The following COL11A2 variants were observed in gnomAD, a reference collection of about 807,000 sequenced individuals.
COL11A2 encodes the protein collagen type XI alpha 2 chain, also known as collagen alpha-2(XI) chain.
COL11A2 carries 116 observed loss-of-function variants against 273.4 expected under a neutral mutation model. The observed-to-expected ratio is 0.42, with a 90% CI of 0.36 to 0.49. The LOEUF (loss-of-function observed/expected upper bound fraction) is 0.49. COL11A2 is among the 20% of genes least tolerant of loss of function. The pLI is 0.00. For missense variants in COL11A2, 1,866 were observed against 2,309.0 expected (o/e 0.81, Z 3.93); for synonymous variants, 782 against 864.2 (o/e 0.90, Z 1.67).
rs1479086398 is a variant in COL11A2 at position 33,169,743 on chromosome 6, C to G, written c.3690+88G>C. On this transcript the variant is annotated intron_variant, in intron 50 of 65. Transcript: ENST00000341947. The surrounding 1 kb of genome is among the most constrained non-coding windows in gnomAD (Gnocchi z 5.5). ...CAGAGACTCTTGCTGCAGAGGAGTT[C>G]CAGCTCAAGGAGGTCACAGGAAAAG... 16 of 1,519,812 alleles carry G rather than the reference C, an allele frequency of 1.1e-5. No individual in the cohort carries two copies. In the East Asian group the frequency reaches 3.4e-4, roughly 32 times the overall value. 94.1% of individuals were successfully genotyped at this position (1,519,812 alleles called of 1,614,324 possible). A position where few individuals can be genotyped will look rare whatever the true frequency, so the allele number is the denominator to read the frequency against.
intron 7 of COL11A2, 32 bp downstream of exon 7, chr6:33,184,960 C>G: frequency 6.5e-7 from 1 of 1,543,788 alleles, no homozygotes; most frequent in Non-Finnish European, 8.8e-7. Context: ...CCCACTGCCC[C>G]CAGATGGGGT....
chr6:33,188,388 G>A lies in COL11A2; in HGVS notation c.580C>T (p.Arg194Cys), dbSNP rs780110905. Residue 194 changes from arginine (R) to cysteine (C), a missense_variant, in exon 4 of 66, where the codon CGT becomes TGT. Coordinates refer to ENST00000341947, the MANE Select transcript of COL11A2 (RefSeq NM_080680.3). ...TCAAAGACTTCTTCATCCAGAATACGGGCACCAAAGATGATCACTCCATGG... is the reference window on the plus strand; with the variant it reads ...TCAAAGACTTCTTCATCCAGAATACAGGCACCAAAGATGATCACTCCATGG... ...DTHGVIIFGA[R>C]ILDEEVFEGD... 8.1e-6 allele frequency: 13 copies of A among 1,612,984 alleles called. No homozygotes were observed. Among genetic ancestry groups the A allele is most frequent in the Non-Finnish European group, 1.1e-5 (13 of 1,180,020 alleles).
upstream of COL11A2, chr6:33,192,571 C>T: frequency 2.1e-6 from 1 of 475,792 alleles, no homozygotes; most frequent in South Asian, 2.2e-5. Context: ...AAACCCCACC[C>T]TCAGTCTCCA....
Position 33,176,441 on chromosome 6 carries a change from C to T in COL11A2, c.2161G>A (p.Gly721Arg). The T allele has an allele frequency of 6.2e-7, 1 of 1,612,534 alleles. No individual in the cohort carries two copies. The highest frequency in any genetic ancestry group is 2.2e-5 in the East Asian group (1 of 44,872). ...GCCTGGTGGTCAGTTACCTTGACCC[C>T]TCGAGGTCCTGGGTATCCTAGAGGT... ...QGPLGYPGPR[G>R]VKGVDGIRGL... Residue 721 changes from glycine (G) to arginine (R), a missense_variant, in exon 27 of 66, where the codon GGG (glycine) becomes AGG (arginine). Physicochemically the swap from Gly to Arg is moderately radical, Grantham distance 125. Transcript: ENST00000341947. This position sits in a 1 kb window ranked among gnomAD's most constrained non-coding sequence, Gnocchi z 4.9.
Position 33,169,634 on chromosome 6 carries a change from G to A in COL11A2, c.3691-144C>T, listed in dbSNP as rs886695523. On this transcript the variant is annotated intron_variant, in intron 50 of 65. Transcript: ENST00000341947. The surrounding 1 kb of genome is among the most constrained non-coding windows in gnomAD (Gnocchi z 5.5). ...ACAGAAAGTCAAGCCTACAAGGGGAGTTCCCTAGTCCCCTTCCCTTCAAGA... is the reference window on the plus strand; with the variant it reads ...ACAGAAAGTCAAGCCTACAAGGGGAATTCCCTAGTCCCCTTCCCTTCAAGA... 9.5e-7 allele frequency: 1 copy of A among 1,048,418 alleles called. No individual in the cohort carries two copies. The highest frequency in any genetic ancestry group is 1.5e-6 in the Non-Finnish European group (1 of 683,014). 64.9% of individuals were successfully genotyped at this position (1,048,418 alleles called of 1,614,324 possible). A position where few individuals can be genotyped will look rare whatever the true frequency, so the allele number is the denominator to read the frequency against.
Position 33,166,577 on chromosome 6 carries a change from T to C in COL11A2, c.4339-11A>G, listed in dbSNP as rs774716408. 1.2e-6 allele frequency: 2 copies of C among 1,613,246 alleles called. No homozygotes were observed. The highest frequency in any genetic ancestry group is 2.2e-5 in the East Asian group (1 of 44,830). On this transcript the variant is annotated splice_polypyrimidine_tract_variant and intron_variant, in intron 59 of 65. Coordinates refer to ENST00000341947, the MANE Select transcript of COL11A2 (RefSeq NM_080680.3). This position sits in a 1 kb window ranked among gnomAD's most constrained non-coding sequence, Gnocchi z 4.8. The stretch of plus-strand genomic sequence containing the variant: ...TGCTCCTGGGATACCCTAGGAAGGG[T>C]AGTGGCTGGTTCAACTGGGTCCTCC...
rs763149306 is a variant in COL11A2 at position 33,163,869 on chromosome 6, A to G, written c.5071-51T>C. 6.2e-7 allele frequency: 1 copy of G among 1,612,132 alleles called. No individual in the cohort carries two copies. The highest frequency in any genetic ancestry group is 1.1e-5 in the South Asian group (1 of 91,036). On this transcript the variant is annotated intron_variant, in intron 65 of 65. Transcript: ENST00000341947. The surrounding 1 kb of genome is among the most constrained non-coding windows in gnomAD (Gnocchi z 4.1). Reference sequence around the variant, plus strand: ...TGTGAGCAGGATGGAGGCACCCCCCACCCTCTAACCTCAGGCCCAGGCTCA... The same window carrying G: ...TGTGAGCAGGATGGAGGCACCCCCCGCCCTCTAACCTCAGGCCCAGGCTCA...
rs143970473 is a variant in COL11A2, at chr6:33,189,311, C to T, written c.232+9G>A. ...TCCCCCCAGGCCTACCCCACCATGT[C>T]ACCCATACCTGGGAAAAGCTGGCGA... On this transcript the variant is annotated intron_variant, in intron 2 of 65. Coordinates refer to ENST00000341947, the MANE Select transcript of COL11A2 (RefSeq NM_080680.3). The surrounding 1 kb of genome is among the most constrained non-coding windows in gnomAD (Gnocchi z 5.6). The T allele has an allele frequency of 6.8e-6, 11 of 1,613,982 alleles. No homozygotes were observed. The Admixed American group carries it at 1.5e-4, about 22-fold the overall frequency.
intron 5 of COL11A2, among the ~76,000 whole-genome samples, chr6:33,186,071 C>T (rs1772387525): frequency 6.6e-6 from 1 of 151,940 alleles, no homozygotes; most frequent in Admixed American, 6.6e-5. Flanking sequence ...TATTCTAACT[C>T]TCCAGACCCC....
chr6:33,192,010 G>A (rs1011997239), intron 1 of COL11A2, 149 bp downstream of exon 1: 1 of 748,324 alleles, frequency 1.3e-6, no homozygotes. Context: ...AGGAACACAG[G>A]TGTCCTGCCC....
chr6:33,163,528 C>A lies in COL11A2; in HGVS notation c.*150G>T. On this transcript the variant is annotated 3_prime_UTR_variant, in exon 66 of 66. Coordinates refer to ENST00000341947, the MANE Select transcript of COL11A2 (RefSeq NM_080680.3). The surrounding 1 kb of genome is among the most constrained non-coding windows in gnomAD (Gnocchi z 4.1). Reference sequence around the variant, plus strand: ...GTGTCCAGGCAACCACTTCACCCCTCCCCTGGCCTGCCCCGACTGAGGGCT... The same window carrying A: ...GTGTCCAGGCAACCACTTCACCCCTACCCTGGCCTGCCCCGACTGAGGGCT... 4.8e-6 allele frequency: 6 copies of A among 1,255,464 alleles called. No homozygotes were observed. Among genetic ancestry groups the A allele is most frequent in the East Asian group, 4.8e-5 (2 of 41,946 alleles). The allele number at this position is 1,255,464 out of a possible 1,614,324, so 77.8% of individuals were successfully genotyped here.
In COL11A2 at chr6:33,178,985, AG is replaced by A. The variant is rs1771324833; in HGVS notation, c.1612-13del. On this transcript the variant is annotated splice_polypyrimidine_tract_variant and intron_variant, in intron 16 of 65. Coordinates refer to ENST00000341947, the MANE Select transcript of COL11A2 (RefSeq NM_080680.3). This position sits in a 1 kb window ranked among gnomAD's most constrained non-coding sequence, Gnocchi z 4.6. The stretch of plus-strand genomic sequence containing the variant: ...GCACCTGCCCGGCCCTGGGAGAACA[AG>A]GGAAGTGTCAGAACAAGCAGGGCCG... The A allele has an allele frequency of 3.1e-6, 5 of 1,614,080 alleles. No homozygotes were observed. The highest frequency in any genetic ancestry group is 2.5e-6 in the Non-Finnish European group (3 of 1,179,988).
At position 33,172,605 on chromosome 6, in the gene COL11A2, C is replaced by A. The variant is rs1770268459; in HGVS notation, c.2823G>T (p.Glu941Asp). 5 of 1,612,550 alleles carry A rather than the reference C, an allele frequency of 3.1e-6. No individual in the cohort carries two copies. Among genetic ancestry groups the A allele is most frequent in the Non-Finnish European group, 4.2e-6 (5 of 1,179,940 alleles). Residue 941 changes from glutamate (E) to aspartate (D), a missense_variant, in exon 39 of 66, where the codon GAG becomes GAT. Glu to Asp is a conservative substitution (Grantham distance 45). Transcript: ENST00000341947. ...GAAGETGPMGERGHPGPPGPP... is the reference protein window; with the variant it reads ...GAAGETGPMGDRGHPGPPGPP... ...GCCCCGGGGGGCCTGGGTGACCTCT[C>A]TCCCCCATAGGGCCGGTTTCTCCTG...
rs747175509 is a variant in COL11A2, at chr6:33,189,224, C to A, written c.233-36G>T. The A allele has an allele frequency of 3.1e-6, 5 of 1,610,156 alleles. No homozygotes were observed. The highest frequency in any genetic ancestry group is 4.2e-6 in the Non-Finnish European group (5 of 1,178,116). On this transcript the variant is annotated intron_variant, in intron 2 of 65. Transcript: ENST00000341947. This position sits in a 1 kb window ranked among gnomAD's most constrained non-coding sequence, Gnocchi z 5.6. ...AGAGAGATACACACAGAGTGAGAGGCAAAGGGAGCCGCCACAACCCCTTTC... is the reference window on the plus strand; with the variant it reads ...AGAGAGATACACACAGAGTGAGAGGAAAAGGGAGCCGCCACAACCCCTTTC...
intron 54 of COL11A2, among the ~76,000 whole-genome samples, chr6:33,168,130 C>T (rs992993956): frequency 6.6e-5 from 10 of 152,090 alleles, no homozygotes; most frequent in African/African-American, 2.4e-4. Flanking sequence ...CACCCCTGGC[C>T]CACAGAAAAG....
At position 33,178,283 on chromosome 6, in the gene COL11A2, C is replaced by A. The variant is rs749541329; in HGVS notation, c.1818+25G>T. 3.9e-5 allele frequency: 63 copies of A among 1,612,818 alleles called. No individual in the cohort carries two copies. Among genetic ancestry groups the A allele is most frequent in the Non-Finnish European group, 5.2e-5 (61 of 1,179,978 alleles). ...CCTGGCTTCCCCAGAGCCCCCTCCC[C>A]CAGCACCAGCCCTTGGACACTCACC... is the stretch of plus-strand genomic sequence containing the variant. On this transcript the variant is annotated intron_variant, in intron 20 of 65. Transcript: ENST00000341947. This position sits in a 1 kb window ranked among gnomAD's most constrained non-coding sequence, Gnocchi z 4.6.
At chr6:33,185,638 TAGG>T (rs1772315378) in intron 6 of COL11A2, 60 bp downstream of exon 6, 4 of 706,754 alleles carry the variant, frequency 5.7e-6, no homozygotes, top group Middle Eastern at 3.1e-4. Context: ...GAAGGTGTCC[TAGG>T]AGATGATTGC....
Position 33,185,722 on chromosome 6 carries a change from C to T in COL11A2, c.855G>A (p.Thr285=), listed in dbSNP as rs887857823. 2.2e-6 allele frequency: 3 copies of T among 1,360,004 alleles called. No homozygotes were observed. The highest frequency in any genetic ancestry group is 1.5e-5 in the African/African-American group (1 of 66,308). The allele number at this position is 1,360,004 out of a possible 1,614,324, so 84.2% of individuals were successfully genotyped here. ...TTACCTGATAATCAGGGGTTGTCCC[C>T]GTAGTCATCACATCATAATAGGGGG... is the stretch of plus-strand genomic sequence containing the variant. ...YEPPYYDVMT[T]GTTPDYQDPT... The change falls in exon 6 of 66, where the codon ACG becomes ACA. Residue 285 remains threonine, a synonymous_variant. Coordinates refer to ENST00000341947, the MANE Select transcript of COL11A2 (RefSeq NM_080680.3).
chr6:33,184,098 AG>A (rs768492310), intron 8 of COL11A2, 46 bp downstream of exon 8: 1 of 1,354,986 alleles, frequency 7.4e-7, no homozygotes, highest in Non-Finnish European at 9.9e-7. Context: ...CAATTCTTGT[AG>A]CTCCCACTGG....
Sources: gnomAD v4.1 joint callset for allele counts (sites outside exome capture counted in the v4.1 genomes callset) on GRCh38, gnomAD v4.1.1 for gene constraint, Gnocchi (gnomAD v3.1) non-coding constraint, MANE v1.5 for transcripts, NCBI Gene and HGNC (gene_info 2026-07-23, HGNC 2026-07-21) for gene names.